The following MNAT1 variants were observed in gnomAD, a reference collection of about 807,000 sequenced individuals.
MNAT1 encodes the protein MNAT1 component of CDK activating kinase, also known as CDK-activating kinase assembly factor MAT1.
MNAT1 carries 43 observed loss-of-function variants against 42.0 expected under a neutral mutation model. That is an observed-to-expected ratio of 1.02 (90% CI 0.80 to 1.32). MNAT1 has a LOEUF of 1.32. Among genes scored for constraint, MNAT1 ranks in the 40% most tolerant of loss-of-function variants. The probability of loss-of-function intolerance (pLI) is 0.00; values close to 1 mark genes in which losing one functional copy is unlikely to be tolerated. For missense variants in MNAT1, 306 were observed against 350.4 expected (o/e 0.87, Z 1.01); for synonymous variants, 118 against 120.0 (o/e 0.98, Z 0.11).
intron 7 of MNAT1, among the ~76,000 whole-genome samples, chr14:60,890,277 C>T (rs2034804646): frequency 6.6e-6 from 1 of 152,126 alleles, no homozygotes; most frequent in African/African-American, 2.4e-5. Flanking sequence ...TTAAACCAAC[C>T]TTGCATCCCA....
chr14:60,773,565 A>G (rs1034228263), intron 1 of MNAT1, among the ~76,000 whole-genome samples: 2 of 152,212 alleles, frequency 1.3e-5, no homozygotes, highest in Non-Finnish European at 1.5e-5. Context: ...CACCCTAGAT[A>G]TTTCAAGCCA....
At chr14:60,914,469 C>T (rs554964557) in intron 7 of MNAT1, among the ~76,000 whole-genome samples, 42 of 152,210 alleles carry the variant, frequency 2.8e-4, no homozygotes, top group African/African-American at 9.9e-4. Flanking sequence ...CTTGGCTCCC[C>T]AGCTTTGAAT....
rs371130290 is a variant in MNAT1 at position 60,784,325 on chromosome 14, C to T, written c.90-11892C>T. 3.5e-3 allele frequency among the ~76,000 whole-genome samples: 531 copies of T among 151,036 alleles called. 5 individuals are homozygous for T. The highest frequency in any genetic ancestry group is 0.012 in the African/African-American group (488 of 41,128). ...AGGCATGAGCCACTGCGCCCAGCCACCCAGCTAACTAAAAACATTTTTTTT... is the reference window on the plus strand; with the variant it reads ...AGGCATGAGCCACTGCGCCCAGCCATCCAGCTAACTAAAAACATTTTTTTT... On this transcript the variant is annotated intron_variant, in intron 1 of 7. Transcript: ENST00000261245.
At chr14:60,831,542 G>T (rs1032352981) in intron 6 of MNAT1, among the ~76,000 whole-genome samples, 2 of 152,170 alleles carry the variant, frequency 1.3e-5, no homozygotes, top group Non-Finnish European at 2.9e-5. Context: ...ATTCCATGGT[G>T]TATACGTGCC....
At chr14:60,771,731 A>G (rs1415230797) in intron 1 of MNAT1, among the ~76,000 whole-genome samples, 2 of 152,152 alleles carry the variant, frequency 1.3e-5, no homozygotes, top group Non-Finnish European at 2.9e-5. Context: ...CTTCTCTTCT[A>G]ACACTACGTA....
At chr14:60,940,139 A>AT (rs1566569967) in intron 7 of MNAT1, among the ~76,000 whole-genome samples, 1 of 152,020 alleles carries the variant, frequency 6.6e-6, no homozygotes, top group Non-Finnish European at 1.5e-5. Flanking sequence ...TGCACGTGAG[A>AT]TGGGTTTCCT....
At chr14:60,887,437 T>A (rs1182564202) in intron 7 of MNAT1, among the ~76,000 whole-genome samples, 2 of 133,184 alleles carry the variant, frequency 1.5e-5, no homozygotes, top group African/African-American at 5.7e-5. Context: ...CCCCTTCCTG[T>A]GTCCATGTGT....
intron 7 of MNAT1, among the ~76,000 whole-genome samples, chr14:60,941,285 A>G (rs2036154213): frequency 6.6e-6 from 1 of 152,182 alleles, no homozygotes; most frequent in African/African-American, 2.4e-5. Context: ...GTATTAATGA[A>G]TTTATGGTCA....
chr14:60,963,234 C>T (rs2036628407), intron 7 of MNAT1, among the ~76,000 whole-genome samples: 1 of 152,166 alleles, frequency 6.6e-6, no homozygotes, highest in Non-Finnish European at 1.5e-5. Flanking sequence ...CCCACCTCGC[C>T]CTCCCAAAGT....
intron 1 of MNAT1, among the ~76,000 whole-genome samples, chr14:60,748,547 T>G (rs750946377): frequency 3.3e-5 from 5 of 152,222 alleles, no homozygotes; most frequent in Non-Finnish European, 7.3e-5. Flanking sequence ...TTGTTTTTAC[T>G]TTTTAAGCTT....
At chr14:60,911,458 C>T (rs1007442013) in intron 7 of MNAT1, among the ~76,000 whole-genome samples, 4 of 151,988 alleles carry the variant, frequency 2.6e-5, no homozygotes, top group African/African-American at 9.7e-5. Flanking sequence ...CTTGTGGGCA[C>T]TTAGTGCTAT....
intron 6 of MNAT1, among the ~76,000 whole-genome samples, chr14:60,873,736 G>T (rs1380724760): frequency 6.7e-6 from 1 of 149,248 alleles, no homozygotes; most frequent in African/African-American, 2.5e-5. Flanking sequence ...CTTTCAAAAT[G>T]TTAAGACTAC....
intron 5 of MNAT1, among the ~76,000 whole-genome samples, chr14:60,817,731 C>T (rs2032757724): frequency 6.6e-6 from 1 of 152,134 alleles, no homozygotes; most frequent in South Asian, 2.1e-4. Context: ...AGAGTTTCTT[C>T]AGGATCAAAT....
intron 7 of MNAT1, among the ~76,000 whole-genome samples, chr14:60,967,344 T>C (rs1410423233): frequency 6.6e-6 from 1 of 152,208 alleles, no homozygotes; most frequent in Non-Finnish European, 1.5e-5. Context: ...GATTTATTCA[T>C]TTGCCATACC....
At chr14:60,967,770 T>A (rs1375047605) in intron 7 of MNAT1, among the ~76,000 whole-genome samples, 6 of 152,230 alleles carry the variant, frequency 3.9e-5, no homozygotes, top group Non-Finnish European at 5.9e-5. Context: ...ACTCATACGT[T>A]TTCTCCCCTC....
chr14:60,815,073 A>G (rs968021258), intron 5 of MNAT1, among the ~76,000 whole-genome samples: 3 of 152,158 alleles, frequency 2.0e-5, no homozygotes, highest in African/African-American at 7.2e-5. Context: ...CTTCTCTTCT[A>G]TATAATTAAT....
At chr14:60,864,773 A>C (rs1393451265) in intron 6 of MNAT1, among the ~76,000 whole-genome samples, 1 of 151,836 alleles carries the variant, frequency 6.6e-6, no homozygotes, top group Non-Finnish European at 1.5e-5. Context: ...TATGAGTGTG[A>C]TAGCGGTGGT....
intron 5 of MNAT1, among the ~76,000 whole-genome samples, chr14:60,816,765 A>G (rs2032728765): frequency 6.6e-6 from 1 of 152,056 alleles, no homozygotes. Flanking sequence ...CTCCTACTTA[A>G]TTCTAGTTTA....
intron 1 of MNAT1, among the ~76,000 whole-genome samples, chr14:60,781,360 CCT>C (rs1468117193): frequency 6.6e-6 from 1 of 152,034 alleles, no homozygotes; most frequent in Non-Finnish European, 1.5e-5. Context: ...ATTTGTAGAA[CCT>C]CTTTATATAG....
Sources: gnomAD v4.1 joint callset for allele counts (sites outside exome capture counted in the v4.1 genomes callset) on GRCh38, gnomAD v4.1.1 for gene constraint, MANE v1.5 for transcripts, NCBI Gene and HGNC (gene_info 2026-07-23, HGNC 2026-07-21) for gene names.